Variants in COL6A6 observed in about 807,000 individuals in gnomAD.
COL6A6 encodes collagen alpha-6(VI) chain.
In COL6A6, 183 loss-of-function variants were observed where a neutral mutation model predicts 208.6. That is an observed-to-expected ratio of 0.88 (90% CI 0.78 to 0.99). The LOEUF (loss-of-function observed/expected upper bound fraction) is 0.99. Among genes scored for constraint, COL6A6 ranks in the 50% least tolerant of loss-of-function variants. The pLI is 0.00. For synonymous variants in COL6A6, 973 were observed against 1,011.8 expected, an observed-to-expected ratio of 0.96 and a Z score of 0.73; for missense variants, 2,816 against 2,815.2, an observed-to-expected ratio of 1.00 and a Z score of -0.01.
At chr3:130,652,691 C>T (rs936299262) in intron 33 of COL6A6, among the ~76,000 whole-genome samples, 6 of 152,220 alleles carry the variant, frequency 3.9e-5, no homozygotes, top group Non-Finnish European at 8.8e-5. Flanking sequence ...CCTCTACTTG[C>T]CGCCTTCTTT....
intron 26 of COL6A6, among the ~76,000 whole-genome samples, chr3:130,634,247 A>AAT (rs1559769667): frequency 2.3e-4 from 13 of 56,242 alleles, no homozygotes; most frequent in Admixed American, 5.5e-4. Context: ...ATAAATAAAA[A>AAT]AAAAAAAAAA....
At chr3:130,617,243 G>A (rs777572061) in intron 23 of COL6A6, among the ~76,000 whole-genome samples, 6 of 152,044 alleles carry the variant, frequency 3.9e-5, no homozygotes, top group Non-Finnish European at 8.8e-5. Context: ...GATGAATGAG[G>A]TATAGACTCT....
At chr3:130,525,276 G>A (rs6795367) in intron 1 of COL6A6, among the ~76,000 whole-genome samples, 63,843 of 151,946 alleles carry the variant, frequency 0.42, 16,112 homozygotes, top group African/African-American at 0.71. Flanking sequence ...CTGGATGCTC[G>A]GAATAACAGT....
intron 10 of COL6A6, among the ~76,000 whole-genome samples, chr3:130,585,593 C>T (rs907896096): frequency 6.6e-6 from 1 of 152,172 alleles, no homozygotes; most frequent in East Asian, 1.9e-4. Context: ...TCATTGGCAA[C>T]CCTATGTTGG....
At chr3:130,636,716 CTCT>C (rs1170174135) in intron 28 of COL6A6, among the ~76,000 whole-genome samples, 4 of 146,580 alleles carry the variant, frequency 2.7e-5, no homozygotes, top group African/African-American at 7.8e-5. Flanking sequence ...AAGGAAACTC[CTCT>C]TCTTCTGCCT....
In COL6A6 at chr3:130,627,270, G is replaced by C. The variant is rs540951026; in HGVS notation, c.4942-49G>C. On this transcript the variant is annotated intron_variant, in intron 25 of 36. Transcript: ENST00000358511. Reference sequence around the variant, plus strand: ...TGTTGTCCTCTTGAAGAATAAGCCTGTCTCTATCTGTAGTCTGGGATGTTG... The same window carrying C: ...TGTTGTCCTCTTGAAGAATAAGCCTCTCTCTATCTGTAGTCTGGGATGTTG... The C allele has an allele frequency of 1.4e-5, 21 of 1,552,500 alleles. No homozygotes were observed. In the South Asian group the frequency reaches 2.3e-4, roughly 17 times the overall value.
rs548304639 is a variant in COL6A6 at position 130,658,825 on chromosome 3, TCA to T, written c.5830+55_5830+56del. The T allele has an allele frequency of 3.4e-4, 440 of 1,296,530 alleles. 6 individuals carry two copies. In the South Asian group the frequency reaches 5.3e-3, roughly 16 times the overall value. 80.3% of individuals were successfully genotyped at this position (1,296,530 alleles called of 1,614,324 possible). On this transcript the variant is annotated intron_variant, in intron 34 of 36. Transcript: ENST00000358511. Reference sequence around the variant, plus strand: ...GGTCAGGCCTATTAAGCATGATGAGTCACCACTGGCAGGGGCAACTGGAACTT... The same window carrying T: ...GGTCAGGCCTATTAAGCATGATGAGTCCACTGGCAGGGGCAACTGGAACTT...
intron 1 of COL6A6, among the ~76,000 whole-genome samples, chr3:130,525,772 G>A (rs570585105): frequency 1.3e-5 from 2 of 152,102 alleles, no homozygotes; most frequent in South Asian, 2.1e-4. Flanking sequence ...CCTTGACCAC[G>A]CCATTCTCCT....
chr3:130,530,346 T>G (rs2062054059), intron 1 of COL6A6, among the ~76,000 whole-genome samples: 2 of 152,200 alleles, frequency 1.3e-5, no homozygotes, highest in East Asian at 3.9e-4. Context: ...CTCAAAACCC[T>G]TGCTCTGTTG....
chr3:130,540,910 T>C (rs987999519), intron 1 of COL6A6, among the ~76,000 whole-genome samples: 1 of 152,248 alleles, frequency 6.6e-6, no homozygotes, highest in Non-Finnish European at 1.5e-5. Context: ...CTATCACTGA[T>C]GGGCATTTGG....
At chr3:130,618,953 T>G (rs2064619580) in intron 23 of COL6A6, among the ~76,000 whole-genome samples, 1 of 152,202 alleles carries the variant, frequency 6.6e-6, no homozygotes, top group Admixed American at 6.5e-5. Context: ...ATCTTCCAAT[T>G]TATACATTGC....
chr3:130,551,875 T>G (rs1449604671), intron 1 of COL6A6, among the ~76,000 whole-genome samples: 1 of 152,204 alleles, frequency 6.6e-6, no homozygotes, highest in African/African-American at 2.4e-5. Context: ...TCTCATTAGT[T>G]TCAAAGATCT....
In COL6A6 at chr3:130,554,314, A is replaced by C. The variant is rs533040369; in HGVS notation, c.-31-6020A>C. ...TGCTGGCATTCATGTGTGCTTTCACAGTGGCAATGGTGTTGACATGGGGGT... is the reference window on the plus strand; with the variant it reads ...TGCTGGCATTCATGTGTGCTTTCACCGTGGCAATGGTGTTGACATGGGGGT... On this transcript the variant is annotated intron_variant, in intron 1 of 36. Coordinates refer to ENST00000358511, the MANE Select transcript of COL6A6 (RefSeq NM_001102608.3). Among the ~76,000 whole-genome samples the C allele has an allele frequency of 2.6e-5, 4 of 152,294 alleles. No individual in the cohort carries two copies. The East Asian group carries it at 7.7e-4, about 29-fold the overall frequency.
intron 1 of COL6A6, among the ~76,000 whole-genome samples, chr3:130,521,874 A>G (rs1472541089): frequency 2.0e-5 from 3 of 152,188 alleles, no homozygotes; most frequent in African/African-American, 7.2e-5. Flanking sequence ...GAGGTACCCA[A>G]TGGAACCGAG....
chr3:130,562,112 C>T (rs2107859185), intron 2 of COL6A6, among the ~76,000 whole-genome samples: 1 of 152,266 alleles, frequency 6.6e-6, no homozygotes, highest in East Asian at 1.9e-4. Context: ...TCCCTCCCTA[C>T]CCCAGACAAG....
In COL6A6 at chr3:130,599,748, C is replaced by T; in HGVS notation, c.4600-9C>T. On this transcript the variant is annotated splice_polypyrimidine_tract_variant and intron_variant, in intron 19 of 36. Coordinates refer to ENST00000358511, the MANE Select transcript of COL6A6 (RefSeq NM_001102608.3). ...ATTACCGTCACACATCTGTCTGTTCCTTTGACAGGGCAGAAGAGGCTGGCC... is the reference window on the plus strand; with the variant it reads ...ATTACCGTCACACATCTGTCTGTTCTTTTGACAGGGCAGAAGAGGCTGGCC... 6.2e-7 allele frequency: 1 copy of T among 1,613,626 alleles called. No individual in the cohort carries two copies. The highest frequency in any genetic ancestry group is 8.5e-7 in the Non-Finnish European group (1 of 1,179,668).
At position 130,568,318 on chromosome 3, in the gene COL6A6, G is replaced by A; in HGVS notation, c.2115G>A (p.Leu705=). The change falls in exon 6 of 37, where the codon CTG becomes CTA. Residue 705 remains leucine, a synonymous_variant. Coordinates refer to ENST00000358511, the MANE Select transcript of COL6A6 (RefSeq NM_001102608.3). ...IGQTTLTGSA[L]SFVSQYFSPT... ...AAACCACCCTGACTGGTAGTGCCCT[G>A]AGCTTTGTGTCTCAGTACTTCAGCC... The A allele has an allele frequency of 6.2e-7, 1 of 1,613,990 alleles. No individual in the cohort carries two copies. The highest frequency in any genetic ancestry group is 8.5e-7 in the Non-Finnish European group (1 of 1,179,902).
At chr3:130,646,120 T>A (rs987417193) in intron 32 of COL6A6, among the ~76,000 whole-genome samples, 3 of 152,150 alleles carry the variant, frequency 2.0e-5, no homozygotes, top group African/African-American at 7.2e-5. Context: ...ATTGTGCACA[T>A]GTGCCCTAAA....
intron 1 of COL6A6, among the ~76,000 whole-genome samples, chr3:130,546,006 C>T (rs1175830096): frequency 2.0e-5 from 3 of 151,970 alleles, no homozygotes; most frequent in African/African-American, 7.3e-5. Context: ...TCGGAGATTC[C>T]AGGGTTTTTT....
Sources: allele counts gnomAD v4.1 joint callset (sites outside exome capture counted in the v4.1 genomes callset), GRCh38; gene constraint gnomAD v4.1.1; transcripts MANE v1.5; gene names NCBI Gene and HGNC (gene_info 2026-07-23, HGNC 2026-07-21).